MDGA2: variants seen among roughly 807,000 people sequenced by gnomAD.
MDGA2 encodes the protein MAM domain containing glycosylphosphatidylinositol anchor 2, also known as MAM domain-containing glycosylphosphatidylinositol anchor protein 2.
A neutral mutation model predicts 117.8 loss-of-function variants in MDGA2; 40 were observed. That is an observed-to-expected ratio of 0.34 (90% CI 0.26 to 0.44). The LOEUF is 0.44. MDGA2 is among the 20% of genes least tolerant of loss of function. The pLI is 1.00. For missense variants in MDGA2, 1,123 were observed against 1,250.6 expected, an observed-to-expected ratio of 0.90 and a Z score of 1.54; for synonymous variants, 452 against 439.0, an observed-to-expected ratio of 1.03 and a Z score of -0.37.
chr14:47,490,008 G>T (rs1466384162), intron 1 of MDGA2, among the ~76,000 whole-genome samples: 2 of 152,046 alleles, frequency 1.3e-5, no homozygotes, highest in African/African-American at 4.8e-5. Context: ...AAAGAATAAA[G>T]AATGACTATA....
intron 1 of MDGA2, among the ~76,000 whole-genome samples, chr14:47,317,967 T>C (rs8011343): frequency 0.2 from 30,455 of 151,994 alleles, 3,157 homozygotes; most frequent in South Asian, 0.27. Context: ...TTTCAGCCTT[T>C]CCTACATCAT....
At chr14:47,487,697 C>G (rs1328047683) in intron 1 of MDGA2, among the ~76,000 whole-genome samples, 1 of 152,046 alleles carries the variant, frequency 6.6e-6, no homozygotes, top group Non-Finnish European at 1.5e-5. Flanking sequence ...TTATTGGTTG[C>G]TTATTTCTAA....
At chr14:47,088,759 T>G (rs1891002190) in intron 6 of MDGA2, among the ~76,000 whole-genome samples, 2 of 152,178 alleles carry the variant, frequency 1.3e-5, no homozygotes, top group Non-Finnish European at 2.9e-5. Context: ...GTTTTAGTTA[T>G]GGGGATATTT....
intron 15 of MDGA2, among the ~76,000 whole-genome samples, chr14:46,847,075 G>C (rs1305871035): frequency 3.3e-5 from 5 of 152,026 alleles, no homozygotes; most frequent in Non-Finnish European, 7.4e-5. Context: ...GAGAACTTAG[G>C]CTACTTTTGA....
chr14:47,257,744 C>T lies in MDGA2; in HGVS notation c.421-39549G>A, dbSNP rs567463212. ...GAAAGCGTCACTTGGCCTGAAAAGACAGGAAGAACAGAGGAGTCTGGGCCT... is the reference window on the plus strand; with the variant it reads ...GAAAGCGTCACTTGGCCTGAAAAGATAGGAAGAACAGAGGAGTCTGGGCCT... On this transcript the variant is annotated intron_variant, in intron 2 of 16. Transcript: ENST00000399232. Among the ~76,000 whole-genome samples, 13 of 152,220 alleles carry T rather than the reference C, an allele frequency of 8.5e-5. No homozygotes were observed. In the East Asian group the frequency reaches 2.3e-3, roughly 27 times the overall value.
intron 2 of MDGA2, among the ~76,000 whole-genome samples, chr14:47,298,903 G>A (rs1457010593): frequency 2.0e-5 from 3 of 151,890 alleles, no homozygotes; most frequent in Admixed American, 2.0e-4. Context: ...AGCCAGGATG[G>A]TCTCGATCTC....
At chr14:47,531,581 T>C (rs779578764) in intron 1 of MDGA2, among the ~76,000 whole-genome samples, 8 of 152,216 alleles carry the variant, frequency 5.3e-5, no homozygotes, top group Non-Finnish European at 1.2e-4. Context: ...GCACATAGAA[T>C]TGTTATGAGA....
At chr14:47,596,409 T>G (rs1168544574) in intron 1 of MDGA2, among the ~76,000 whole-genome samples, 1 of 152,160 alleles carries the variant, frequency 6.6e-6, no homozygotes, top group African/African-American at 2.4e-5. Flanking sequence ...TTCTGGAAAG[T>G]CCATTTTAGA....
intron 1 of MDGA2, among the ~76,000 whole-genome samples, chr14:47,470,431 C>A (rs1482618333): frequency 1.3e-5 from 2 of 152,120 alleles, no homozygotes; most frequent in African/African-American, 4.8e-5. Flanking sequence ...CATGTCCCTG[C>A]AAAGGGCATG....
rs1023510993 is a variant in MDGA2 at position 47,534,054 on chromosome 14, G to A, written c.280+140463C>T. 4.6e-5 allele frequency among the ~76,000 whole-genome samples: 7 copies of A among 152,230 alleles called. No individual in the cohort carries two copies. In the South Asian group the frequency reaches 8.3e-4, roughly 18 times the overall value. ...AATTAAATGGGTCTGGATATGTGTA[G>A]GGAGCCTCATGTAACTTAGAAAACT... On this transcript the variant is annotated intron_variant, in intron 1 of 16. Coordinates refer to ENST00000399232, the MANE Select transcript of MDGA2 (RefSeq NM_001113498.3).
chr14:47,540,540 G>GTGTGTATATATATATATATATA, intron 1 of MDGA2, among the ~76,000 whole-genome samples: 41 of 79,192 alleles, frequency 5.2e-4, no homozygotes, highest in African/African-American at 1.6e-3. Context: ...GTGTGTGTGT[G>GTGTGTATATATATATATATATA]TATATATATA....
intron 1 of MDGA2, among the ~76,000 whole-genome samples, chr14:47,630,406 T>C (rs1897234614): frequency 6.6e-6 from 1 of 152,324 alleles, no homozygotes; most frequent in Middle Eastern, 3.4e-3. Flanking sequence ...GTTTGCATCA[T>C]ACACAGATTC....
intron 2 of MDGA2, among the ~76,000 whole-genome samples, chr14:47,237,213 C>T (rs1886891664): frequency 6.6e-6 from 1 of 151,876 alleles, no homozygotes; most frequent in Admixed American, 6.6e-5. Flanking sequence ...AGGTAAGGTC[C>T]TAAAATCTAA....
At chr14:47,196,143 G>A (rs193044175) in intron 3 of MDGA2, among the ~76,000 whole-genome samples, 2 of 152,054 alleles carry the variant, frequency 1.3e-5, no homozygotes, top group African/African-American at 4.8e-5. Context: ...TCTGCTTTTA[G>A]TTACTTGTTT....
At chr14:47,418,920 G>A (rs1892525379) in intron 1 of MDGA2, among the ~76,000 whole-genome samples, 1 of 152,046 alleles carries the variant, frequency 6.6e-6, no homozygotes, top group African/African-American at 2.4e-5. Context: ...TATGAATTCT[G>A]GTGACAAAAA....
intron 1 of MDGA2, among the ~76,000 whole-genome samples, chr14:47,455,615 A>T (rs1893333250): frequency 6.6e-6 from 1 of 152,204 alleles, no homozygotes; most frequent in Non-Finnish European, 1.5e-5. Context: ...AGTAATCTTG[A>T]ATATAAGACA....
chr14:47,280,009 T>A (rs1334331535), intron 2 of MDGA2, among the ~76,000 whole-genome samples: 4 of 151,932 alleles, frequency 2.6e-5, no homozygotes, highest in African/African-American at 9.7e-5. Flanking sequence ...TGATTTTTTT[T>A]TTTTAATAGA....
rs1895797132 is a variant in MDGA2 at position 47,561,153 on chromosome 14, G to GGTTTTTTTTTTTTTTTTTTTTT, written c.280+113363_280+113364insAAAAAAAAAAAAAAAAAAAAAC. Among the ~76,000 whole-genome samples the GGTTTTTTTTTTTTTTTTTTTTT allele has an allele frequency of 4.9e-4, 31 of 63,888 alleles. 4 individuals carry two copies. The highest frequency in any genetic ancestry group is 2.9e-3 in the East Asian group (2 of 692). 41.9% of individuals were successfully genotyped at this position (63,888 alleles called of 152,430 possible). On this transcript the variant is annotated intron_variant, in intron 1 of 16. Coordinates refer to ENST00000399232, the MANE Select transcript of MDGA2 (RefSeq NM_001113498.3). ...TACCTCTATCTTTGTTTTTTTTTTT[G>GGTTTTTTTTTTTTTTTTTTTTT]TTTTGTTTTGTTTTTTTGTTTGTTT...
At chr14:47,186,084 A>G (rs963049247) in intron 3 of MDGA2, among the ~76,000 whole-genome samples, 15 of 151,664 alleles carry the variant, frequency 9.9e-5, no homozygotes, top group Admixed American at 5.3e-4. Flanking sequence ...ACAAGATTCC[A>G]TAAAAAATTC....
Sources: allele counts gnomAD v4.1 joint callset (sites outside exome capture counted in the v4.1 genomes callset), GRCh38; gene constraint gnomAD v4.1.1; transcripts MANE v1.5; gene names NCBI Gene and HGNC (gene_info 2026-07-23, HGNC 2026-07-21).